ALCAM: variants seen among roughly 807,000 people sequenced by gnomAD.
The protein encoded by ALCAM is activated leukocyte cell adhesion molecule.
In ALCAM, 30 loss-of-function variants were observed where a neutral mutation model predicts 70.9. The observed-to-expected ratio is 0.42, with a 90% CI of 0.32 to 0.57. The LOEUF (loss-of-function observed/expected upper bound fraction) is 0.57. ALCAM is among the 20% of genes least tolerant of loss of function. The pLI, the probability that ALCAM is intolerant of heterozygous loss-of-function variation, is 0.11. For missense variants in ALCAM, 591 were observed against 695.1 expected (o/e 0.85, Z 1.68); for synonymous variants, 249 against 242.5 (o/e 1.03, Z -0.25).
intron 1 of ALCAM, among the ~76,000 whole-genome samples, chr3:105,374,379 A>G (rs527601359): frequency 6.6e-6 from 1 of 152,262 alleles, no homozygotes; most frequent in Admixed American, 6.5e-5. Context: ...AATATTGTGT[A>G]ACTCTGTCTC....
intron 12 of ALCAM, among the ~76,000 whole-genome samples, chr3:105,551,176 A>C (rs1940395574): frequency 6.6e-6 from 1 of 151,658 alleles, no homozygotes; most frequent in Non-Finnish European, 1.5e-5. Context: ...TATGACTGGA[A>C]TATAAAGGCC....
chr3:105,555,392 G>A (rs1431110266), intron 14 of ALCAM, among the ~76,000 whole-genome samples: 2 of 151,960 alleles, frequency 1.3e-5, no homozygotes, highest in African/African-American at 2.4e-5. Flanking sequence ...TTGCATTCCT[G>A]GTTAGTTATT....
chr3:105,490,626 G>C (rs1938556395), intron 1 of ALCAM, among the ~76,000 whole-genome samples: 1 of 152,094 alleles, frequency 6.6e-6, no homozygotes, highest in Non-Finnish European at 1.5e-5. Flanking sequence ...TTAGGATATG[G>C]TTTCTGAACA....
At chr3:105,427,455 C>T (rs1238088696) in intron 1 of ALCAM, among the ~76,000 whole-genome samples, 2 of 151,902 alleles carry the variant, frequency 1.3e-5, no homozygotes, top group African/African-American at 2.4e-5. Context: ...GCTGCCACTT[C>T]TGGCCCCCTG....
At chr3:105,541,441 T>C (rs954224101) in intron 7 of ALCAM, among the ~76,000 whole-genome samples, 192 bp from the exon 8 acceptor site, 1 of 151,988 alleles carries the variant, frequency 6.6e-6, no homozygotes, top group Non-Finnish European at 1.5e-5. Context: ...CTCAAATTCC[T>C]TAGGTCCAAA....
intron 1 of ALCAM, among the ~76,000 whole-genome samples, chr3:105,446,351 G>A (rs567779870): frequency 1.8e-4 from 27 of 152,222 alleles, no homozygotes; most frequent in African/African-American, 6.3e-4. Context: ...TGGGGAAAGG[G>A]AATTCTTATA....
At chr3:105,404,649 C>T (rs6437586) in intron 1 of ALCAM, among the ~76,000 whole-genome samples, 15,401 of 148,896 alleles carry the variant, frequency 0.1, 884 homozygotes, top group South Asian at 0.17. Context: ...ATAAATCTCA[C>T]AGGACCTATA....
At chr3:105,387,331 T>C (rs931995133) in intron 1 of ALCAM, among the ~76,000 whole-genome samples, 2 of 151,552 alleles carry the variant, frequency 1.3e-5, no homozygotes, top group Admixed American at 1.3e-4. Flanking sequence ...CTTTACTTTT[T>C]TGTTGCATGT....
At chr3:105,505,205 C>A (rs1939038376) in intron 1 of ALCAM, among the ~76,000 whole-genome samples, 1 of 152,068 alleles carries the variant, frequency 6.6e-6, no homozygotes, top group Non-Finnish European at 1.5e-5. Flanking sequence ...AAGAACTACC[C>A]GAGACTGAGT....
chr3:105,533,506 C>A (rs1373241127), intron 4 of ALCAM, 97 bp from the exon 5 acceptor site: 7 of 961,178 alleles, frequency 7.3e-6, no homozygotes, highest in African/African-American at 1.6e-5. Flanking sequence ...GGTCAAGAAA[C>A]CCTTGGAATA....
At chr3:105,528,388 C>G (rs890281367) in intron 3 of ALCAM, among the ~76,000 whole-genome samples, 1 of 152,142 alleles carries the variant, frequency 6.6e-6, no homozygotes, top group African/African-American at 2.4e-5. Flanking sequence ...TGACCACTCC[C>G]CAGCCCCTTA....
At chr3:105,494,462 C>T (rs1312685443) in intron 1 of ALCAM, among the ~76,000 whole-genome samples, 1 of 148,926 alleles carries the variant, frequency 6.7e-6, no homozygotes, top group Non-Finnish European at 1.5e-5. Context: ...CTTCTTTTCC[C>T]TTTCTTCCTT....
At chr3:105,510,047 G>A (rs570332104) in intron 1 of ALCAM, among the ~76,000 whole-genome samples, 87 of 152,098 alleles carry the variant, frequency 5.7e-4, no homozygotes, top group African/African-American at 2.1e-3. Context: ...ATTTCCTCCA[G>A]ATGTTAGGAT....
At chr3:105,431,170 A>G (rs1017414152) in intron 1 of ALCAM, among the ~76,000 whole-genome samples, 1 of 151,770 alleles carries the variant, frequency 6.6e-6, no homozygotes, top group African/African-American at 2.4e-5. Flanking sequence ...GAGACATGGT[A>G]TATAATTTAG....
intron 1 of ALCAM, among the ~76,000 whole-genome samples, chr3:105,431,850 G>C (rs4894831): frequency 0.7 from 106,606 of 151,942 alleles, 37,646 homozygotes; most frequent in East Asian, 0.9. Context: ...CCCAAACTGA[G>C]GACCAAATCA....
chr3:105,494,930 G>A (rs1285928189), intron 1 of ALCAM, among the ~76,000 whole-genome samples: 1 of 152,030 alleles, frequency 6.6e-6, no homozygotes. Context: ...CAAAGTGCTG[G>A]GATTATAGGC....
chr3:105,517,617 G>T (rs1398575686), intron 1 of ALCAM, among the ~76,000 whole-genome samples: 2 of 152,112 alleles, frequency 1.3e-5, no homozygotes, highest in Non-Finnish European at 2.9e-5. Context: ...TCTCTTTAAA[G>T]GGAAGGGAAA....
chr3:105,470,543 G>A (rs1381430024), intron 1 of ALCAM, among the ~76,000 whole-genome samples: 1 of 151,118 alleles, frequency 6.6e-6, no homozygotes, highest in East Asian at 1.9e-4. Context: ...TACCTAAAAA[G>A]TTGGTATAAA....
intron 1 of ALCAM, among the ~76,000 whole-genome samples, chr3:105,482,948 G>C (rs1308002592): frequency 6.6e-6 from 1 of 152,070 alleles, no homozygotes; most frequent in Admixed American, 6.6e-5. Flanking sequence ...AGCCAGACTG[G>C]TTTTCATAGA....
Sources: gnomAD v4.1 joint callset for allele counts (sites outside exome capture counted in the v4.1 genomes callset) on GRCh38, gnomAD v4.1.1 for gene constraint, MANE v1.5 for transcripts, NCBI Gene and HGNC (gene_info 2026-07-23, HGNC 2026-07-21) for gene names.